The following ALDH6A1 variants were observed in gnomAD, a reference collection of about 807,000 sequenced individuals.
ALDH6A1 encodes methylmalonate-semialdehyde/malonate-semialdehyde dehydrogenase [acylating], mitochondrial.
Under a neutral mutation model 62.6 loss-of-function variants are expected in ALDH6A1, and 43 were observed. That is an observed-to-expected ratio of 0.69 (90% CI 0.54 to 0.89). The LOEUF is 0.89. Ranked by LOEUF, ALDH6A1 falls within the 40% of genes least tolerant of loss-of-function variation. ALDH6A1 has a pLI of 0.00. For synonymous variants in ALDH6A1, 194 were observed against 234.2 expected (o/e 0.83, Z 1.57); for missense variants, 551 against 661.3 (o/e 0.83, Z 1.83).
rs2060263899 is a variant in ALDH6A1, at chr14:74,058,257, G to A, written c.*2385C>T. The A allele has an allele frequency of 1.3e-5, 2 of 152,204 alleles. No individual in the cohort carries two copies. The highest frequency in any genetic ancestry group is 4.1e-4 in the South Asian group (2 of 4,832). The allele number at this position is 152,204 out of a possible 1,614,324, so 9.4% of individuals were successfully genotyped here. The stretch of plus-strand genomic sequence containing the variant: ...CAGGAGAATTACTTGAACCCAGGAG[G>A]TGGAGGTTGCAGTGAGCCGAGATCG... On this transcript the variant is annotated 3_prime_UTR_variant, in exon 12 of 12. Coordinates refer to ENST00000553458, the MANE Select transcript of ALDH6A1 (RefSeq NM_005589.4).
chr14:74,080,525 G>A (rs116474980), intron 1 of ALDH6A1, among the ~76,000 whole-genome samples: 2 of 151,788 alleles, frequency 1.3e-5, no homozygotes, highest in Non-Finnish European at 2.9e-5. Context: ...ACACGACCTC[G>A]CTCTCAGGCT....
chr14:74,068,972 A>C lies in ALDH6A1; in HGVS notation c.740T>G (p.Phe247Cys), dbSNP rs1427633998. 6.2e-7 allele frequency: 1 copy of C among 1,613,876 alleles called. No individual in the cohort carries two copies. The highest frequency in any genetic ancestry group is 1.3e-5 in the African/African-American group (1 of 74,900). Residue 247 changes from phenylalanine (F) to cysteine (C), a missense_variant, in exon 7 of 12, where the codon TTT becomes TGT. By Grantham distance (205) the Phe-to-Cys change is radical (BLOSUM62 -2). Transcript: ENST00000553458. ...TTTGATGTCCGGATGATCGCAAATAAAATTTACAGCTTTAAGAAGAAAATA... is the reference window on the plus strand; with the variant it reads ...TTTGATGTCCGGATGATCGCAAATACAATTTACAGCTTTAAGAAGAAAATA... ...IIHGQHEAVN[F>C]ICDHPDIKAI...
In ALDH6A1 at chr14:74,065,259, TG is replaced by T; in HGVS notation, c.1325del (p.Pro442HisfsTer30). On this transcript the variant is annotated frameshift_variant, in exon 10 of 12. Coordinates refer to ENST00000553458, the MANE Select transcript of ALDH6A1 (RefSeq NM_005589.4). LOFTEE classifies it high-confidence loss of function. ...TGAAGATGGCAGTTCCATTTCCATA[TG>T]GGTTGTTATTTACAATCTGGATGGC... ...DEAIQIVNNNPYGNGTAIFTT... is the reference protein window; with the variant it reads ...DEAIQIVNNNXYGNGTAIFTT... 1.2e-6 allele frequency: 2 copies of T among 1,614,120 alleles called. No homozygotes were observed. The highest frequency in any genetic ancestry group is 1.7e-6 in the Non-Finnish European group (2 of 1,180,006).
chr14:74,057,327 A>G lies in ALDH6A1; in HGVS notation c.*3315T>C, dbSNP rs1363949931. ...CCTTCCCCATGTCGCTTCTTGCTAAATCACGGTTATTTTCTCTACTAGTTG... is the reference window on the plus strand; with the variant it reads ...CCTTCCCCATGTCGCTTCTTGCTAAGTCACGGTTATTTTCTCTACTAGTTG... On this transcript the variant is annotated 3_prime_UTR_variant, in exon 12 of 12. Coordinates refer to ENST00000553458, the MANE Select transcript of ALDH6A1 (RefSeq NM_005589.4). 6.2e-7 allele frequency: 1 copy of G among 1,603,954 alleles called. No individual in the cohort carries two copies. The highest frequency in any genetic ancestry group is 2.2e-5 in the East Asian group (1 of 44,766).
intron 1 of ALDH6A1, chr14:74,078,216 T>A: frequency 2.2e-6 from 1 of 456,092 alleles, no homozygotes; most frequent in Non-Finnish European, 4.4e-6. Context: ...AACCATCAGA[T>A]GAGAACTTCT....
chr14:74,066,739 T>C lies in ALDH6A1; in HGVS notation c.1190A>G (p.Asn397Ser). 6.2e-7 allele frequency: 1 copy of C among 1,614,130 alleles called. No individual in the cohort carries two copies. The highest frequency in any genetic ancestry group is 8.5e-7 in the Non-Finnish European group (1 of 1,180,022). The change falls in exon 9 of 12, where the codon AAC (asparagine) becomes AGC (serine). Residue 397 changes from asparagine to serine, a missense_variant. By Grantham distance (46) the Asn-to-Ser change is conservative (BLOSUM62 1). Transcript: ENST00000553458. ...KIKVKGYENG[N>S]FVGPTIISNV... ...CGAGATGATGGTTGGTCCAACAAAG[T>C]TGCCATTTTCATAGCCTTTCACTTT... is the stretch of plus-strand genomic sequence containing the variant.
chr14:74,062,063 A>G (rs1043479060), intron 11 of ALDH6A1, among the ~76,000 whole-genome samples: 10 of 137,170 alleles, frequency 7.3e-5, no homozygotes, highest in Admixed American at 1.4e-4. Context: ...AAAAAAAAAA[A>G]AAAAAAAAAA....
rs887106314 is a variant in ALDH6A1 at position 74,066,554 on chromosome 14, T to G, written c.1224+151A>C. The G allele has an allele frequency of 1.7e-5, 14 of 822,436 alleles. No homozygotes were observed. The African/African-American group carries it at 2.4e-4, about 14-fold the overall frequency. 50.9% of individuals were successfully genotyped at this position (822,436 alleles called of 1,614,324 possible). ...TTGGTTGGGAGTTAGAAGGAGAGGC[T>G]CATTCAGACTCCAGATAAAATAATT... On this transcript the variant is annotated intron_variant, in intron 9 of 11. Transcript: ENST00000553458.
Position 74,084,361 on chromosome 14 carries a change from C to A in ALDH6A1, c.34G>T (p.Ala12Ser), listed in dbSNP as rs774240217. ...AALLAAAAVRARILQVSSKVK... is the reference protein window; with the variant it reads ...AALLAAAAVRSRILQVSSKVK... ...CCCTCACTCGCCTGCAGGATCCGGG[C>A]TCGCACTGCCGCCGCCGCCAATAGC... The change falls in exon 1 of 12, where the codon GCC becomes TCC. Residue 12 changes from alanine to serine, a missense_variant. Coordinates refer to ENST00000553458, the MANE Select transcript of ALDH6A1 (RefSeq NM_005589.4). The A allele has an allele frequency of 3.7e-6, 6 of 1,613,316 alleles. No individual in the cohort carries two copies. The highest frequency in any genetic ancestry group is 2.7e-5 in the African/African-American group (2 of 75,064).
intron 6 of ALDH6A1, among the ~76,000 whole-genome samples, chr14:74,070,444 G>T (rs545124075): frequency 1.3e-5 from 2 of 152,028 alleles, no homozygotes; most frequent in Non-Finnish European, 2.9e-5. Context: ...GCTTGAACCT[G>T]GGAGGCAGCG....
intron 2 of ALDH6A1, 147 bp from the exon 3 acceptor site, chr14:74,072,758 G>A (rs891605268): frequency 1.1e-6 from 1 of 907,190 alleles, no homozygotes; most frequent in Non-Finnish European, 1.7e-6. Context: ...GTTACCACTA[G>A]GAAAGAGACA....
Position 74,060,141 on chromosome 14 carries a change from T to TA in ALDH6A1, c.*500dup. 6.3e-6 allele frequency: 1 copy of TA among 158,474 alleles called. No homozygotes were observed. Among genetic ancestry groups the TA allele is most frequent in the Admixed American group, 6.0e-5 (1 of 16,668 alleles). 9.8% of individuals were successfully genotyped at this position (158,474 alleles called of 1,614,324 possible). A position where few individuals can be genotyped will look rare whatever the true frequency, so the allele number is the denominator to read the frequency against. On this transcript the variant is annotated 3_prime_UTR_variant, in exon 12 of 12. Coordinates refer to ENST00000553458, the MANE Select transcript of ALDH6A1 (RefSeq NM_005589.4). ...CTTGCAATTATTGGAACATCTTCTT[T>TA]AAAAAATTTTTTTTCCCTTTTCTTT...
intron 6 of ALDH6A1, 188 bp downstream of exon 6, chr14:74,071,007 A>C (rs1206695438): frequency 3.1e-6 from 2 of 649,456 alleles, no homozygotes; most frequent in Non-Finnish European, 5.5e-6. Context: ...GGCAACAAGC[A>C]CTGCTATTCC....
chr14:74,068,512 G>A (rs770329459), intron 7 of ALDH6A1, among the ~76,000 whole-genome samples: 87 of 152,106 alleles, frequency 5.7e-4, no homozygotes, highest in Non-Finnish European at 9.7e-4. Context: ...AGGCCGAGGC[G>A]GGCAGATCAT....
chr14:74,066,359 A>G (rs1316674813), intron 9 of ALDH6A1, among the ~76,000 whole-genome samples: 1 of 152,220 alleles, frequency 6.6e-6, no homozygotes, highest in African/African-American at 2.4e-5. Flanking sequence ...AAATTCAAAT[A>G]TCAGTGTCCA....
At position 74,057,301 on chromosome 14, in the gene ALDH6A1, C is replaced by G; in HGVS notation, c.*3341G>C. On this transcript the variant is annotated 3_prime_UTR_variant, in exon 12 of 12. Coordinates refer to ENST00000553458, the MANE Select transcript of ALDH6A1 (RefSeq NM_005589.4). Reference sequence around the variant, plus strand: ...AATCAAACAATGTATATTGTTGTCACCCTTCCCCATGTCGCTTCTTGCTAA... The same window carrying G: ...AATCAAACAATGTATATTGTTGTCAGCCTTCCCCATGTCGCTTCTTGCTAA... 6.2e-7 allele frequency: 1 copy of G among 1,613,366 alleles called. No individual in the cohort carries two copies. Among genetic ancestry groups the G allele is most frequent in the Non-Finnish European group, 8.5e-7 (1 of 1,179,712 alleles).
At chr14:74,077,001 C>T (rs997693332) in intron 1 of ALDH6A1, among the ~76,000 whole-genome samples, 3 of 152,160 alleles carry the variant, frequency 2.0e-5, no homozygotes, top group African/African-American at 7.2e-5. Flanking sequence ...GAGTATAGAG[C>T]TGCATGAAGG....
intron 2 of ALDH6A1, 25 bp downstream of exon 2, chr14:74,074,930 C>T: frequency 6.2e-6 from 10 of 1,610,860 alleles, no homozygotes; most frequent in Non-Finnish European, 7.6e-6. Flanking sequence ...TCTCAGAAGT[C>T]AACCTCTATG....
At chr14:74,064,943 C>G (rs890167626) in intron 10 of ALDH6A1, 23 bp from the exon 11 acceptor site, 1 of 1,601,624 alleles carries the variant, frequency 6.2e-7, no homozygotes, top group South Asian at 1.1e-5. Flanking sequence ...AAATCCGTGT[C>G]ATATCCTAAG....
Sources: gnomAD v4.1 joint callset for allele counts (sites outside exome capture counted in the v4.1 genomes callset) on GRCh38, gnomAD v4.1.1 for gene constraint, MANE v1.5 for transcripts, NCBI Gene and HGNC (gene_info 2026-07-23, HGNC 2026-07-21) for gene names.